The following OSER1 variants were observed in gnomAD, a reference collection of about 807,000 sequenced individuals.
The protein encoded by OSER1 is oxidative stress responsive serine rich 1.
A neutral mutation model predicts 26.3 loss-of-function variants in OSER1; 15 were observed. That is an observed-to-expected ratio of 0.57 (90% CI 0.38 to 0.88). The LOEUF is 0.88. Among genes scored for constraint, OSER1 ranks in the 40% least tolerant of loss-of-function variants. The pLI, the probability that OSER1 is intolerant of heterozygous loss-of-function variation, is 0.00. For missense variants in OSER1, 313 were observed against 353.9 expected, an observed-to-expected ratio of 0.88 and a Z score of 0.93; for synonymous variants, 127 against 128.2, an observed-to-expected ratio of 0.99 and a Z score of 0.07.
chr20:44,207,034 G>C, intron 1 of OSER1, 36 bp from the exon 2 acceptor site: 1 of 1,053,530 alleles, frequency 9.5e-7, no homozygotes, highest in East Asian at 2.5e-5. Flanking sequence ...AGTAAAAACA[G>C]GTGGGATCAA....
chr20:44,200,541 T>C (rs1263407310), intron 3 of OSER1, among the ~76,000 whole-genome samples: 2 of 152,206 alleles, frequency 1.3e-5, no homozygotes, highest in African/African-American at 2.4e-5. Flanking sequence ...TTTGTCAACC[T>C]CTGACCTAAA....
intron 1 of OSER1, among the ~76,000 whole-genome samples, chr20:44,208,624 T>C (rs899103289): frequency 6.6e-6 from 1 of 152,176 alleles, no homozygotes; most frequent in Non-Finnish European, 1.5e-5. Flanking sequence ...TCAATTCCTA[T>C]ATACCTGGGG....
intron 2 of OSER1, among the ~76,000 whole-genome samples, chr20:44,203,291 TG>T (rs2073002261): frequency 6.6e-6 from 1 of 152,180 alleles, no homozygotes; most frequent in Admixed American, 6.5e-5. Context: ...AAAGAATGAC[TG>T]GTAAGTGTAC....
In OSER1 at chr20:44,197,153, A is replaced by G; in HGVS notation, c.778T>C (p.Phe260Leu). 1.2e-6 allele frequency: 2 copies of G among 1,614,086 alleles called. No homozygotes were observed. The highest frequency in any genetic ancestry group is 1.7e-6 in the Non-Finnish European group (2 of 1,179,892). The stretch of plus-strand genomic sequence containing the variant: ...TCCTCAATGGTCACATCATCCACGA[A>G]GACTCGAGCTTGCTCAGAACAGGAT... ...PRSCSEQARVFVDDVTIEDLS... is the reference protein window; with the variant it reads ...PRSCSEQARVLVDDVTIEDLS... The change falls in exon 4 of 4, where the codon TTC (phenylalanine) becomes CTC (leucine). Residue 260 changes from phenylalanine to leucine, a missense_variant. Coordinates refer to ENST00000255174, the MANE Select transcript of OSER1 (RefSeq NM_016470.8).
chr20:44,200,929 A>G (rs2072975537), intron 3 of OSER1, among the ~76,000 whole-genome samples: 1 of 152,268 alleles, frequency 6.6e-6, no homozygotes, highest in Non-Finnish European at 1.5e-5. Flanking sequence ...TTAAGTGCTA[A>G]GAGAAAATAA....
chr20:44,199,782 C>A (rs143564157), intron 3 of OSER1, among the ~76,000 whole-genome samples: 1 of 152,294 alleles, frequency 6.6e-6, no homozygotes, highest in East Asian at 1.9e-4. Context: ...AAGACATGAA[C>A]AAAAACGTGC....
intron 1 of OSER1, among the ~76,000 whole-genome samples, chr20:44,208,685 TA>T (rs924762574): frequency 1.3e-5 from 2 of 152,202 alleles, no homozygotes; most frequent in Admixed American, 6.5e-5. Context: ...TCACATCATC[TA>T]AAAGAGTACT....
intron 2 of OSER1, among the ~76,000 whole-genome samples, chr20:44,203,289 A>T (rs1195362444): frequency 6.6e-6 from 1 of 151,874 alleles, no homozygotes; most frequent in Non-Finnish European, 1.5e-5. Context: ...CCAAAGAATG[A>T]CTGGTAAGTG....
intron 2 of OSER1, among the ~76,000 whole-genome samples, chr20:44,203,696 ACACACACACAC>A (rs2073008926): frequency 2.5e-5 from 3 of 118,352 alleles, no homozygotes; most frequent in South Asian, 6.3e-4. Context: ...GACTTTTTTC[ACACACACACAC>A]ACACACACAC....
At chr20:44,203,915 T>C (rs2073013255) in intron 2 of OSER1, among the ~76,000 whole-genome samples, 1 of 152,106 alleles carries the variant, frequency 6.6e-6, no homozygotes, top group South Asian at 2.1e-4. Context: ...TGGCAAAATG[T>C]TGGGAAATTA....
rs751250533 is a variant in OSER1, at chr20:44,197,369, CTGAT to C, written c.558_561del (p.Ser187PhefsTer4). 1 of 1,614,246 alleles carries C rather than the reference CTGAT, an allele frequency of 6.2e-7. No individual in the cohort carries two copies. The highest frequency in any genetic ancestry group is 8.5e-7 in the Non-Finnish European group (1 of 1,180,048). ...GGCTTGCCCTGGTTTAGCTTGGAAA[CTGAT>C]TGAAAGTCAGAGAGATCACTGGCTT... On this transcript the variant is annotated frameshift_variant, in exon 4 of 4. Coordinates refer to ENST00000255174, the MANE Select transcript of OSER1 (RefSeq NM_016470.8). LOFTEE classifies it high-confidence loss of function.
rs148364565 is a variant in OSER1 at position 44,201,787 on chromosome 20, C to T, written c.191+1174G>A. Among the ~76,000 whole-genome samples the T allele has an allele frequency of 1.6e-3, 247 of 152,054 alleles. 1 individual carries two copies. Among genetic ancestry groups the T allele is most frequent in the Non-Finnish European group, 3.1e-3 (210 of 67,998 alleles). ...ACTGAAAGAATAGAAACAAAGTGTG[C>T]CATTTCCAAACCACTAGAGGAAAAG... On this transcript the variant is annotated intron_variant, in intron 3 of 3. Transcript: ENST00000255174.
chr20:44,199,790 T>A (rs1337528824), intron 3 of OSER1, among the ~76,000 whole-genome samples: 1 of 152,228 alleles, frequency 6.6e-6, no homozygotes, highest in Non-Finnish European at 1.5e-5. Flanking sequence ...AACAAAAACG[T>A]GCTCTGACTG....
intron 2 of OSER1, among the ~76,000 whole-genome samples, chr20:44,203,662 C>T (rs1455365901): frequency 1.3e-5 from 2 of 150,418 alleles, no homozygotes; most frequent in Non-Finnish European, 2.9e-5. Context: ...CTACCAACAT[C>T]AAACATTGGT....
chr20:44,197,556 G>A lies in OSER1; in HGVS notation c.375C>T (p.Ser125=), dbSNP rs1569234930. ...PDGSSGLGIS[S]PKEFSAGESS... Reference sequence around the variant, plus strand: ...TTTCTCCTGCACTGAACTCTTTAGGGGATGAAATTCCCAGCCCACTGCTGC... The same window carrying A: ...TTTCTCCTGCACTGAACTCTTTAGGAGATGAAATTCCCAGCCCACTGCTGC... The change falls in exon 4 of 4, where the codon TCC becomes TCT. Residue 125 remains serine (S), a synonymous_variant. Transcript: ENST00000255174. 6.2e-7 allele frequency: 1 copy of A among 1,614,140 alleles called. No individual in the cohort carries two copies. The highest frequency in any genetic ancestry group is 2.2e-5 in the East Asian group (1 of 44,874).
intron 3 of OSER1, among the ~76,000 whole-genome samples, chr20:44,201,086 C>A (rs1347131127): frequency 6.6e-6 from 1 of 152,208 alleles, no homozygotes; most frequent in Non-Finnish European, 1.5e-5. Flanking sequence ...CAGCAGCAGA[C>A]TGAAAATACC....
intron 1 of OSER1, 62 bp from the exon 2 acceptor site, chr20:44,207,060 C>A: frequency 1.3e-6 from 1 of 750,092 alleles, no homozygotes. Context: ...TACCTGTTAC[C>A]ATTACTGTTA....
chr20:44,206,935 C>T lies in OSER1; in HGVS notation c.23G>A (p.Gly8Glu). The change falls in exon 2 of 4, where the codon GGA (glycine) becomes GAA (glutamate). Residue 8 changes from glycine to glutamate, a missense_variant. Gly to Glu is a moderately conservative substitution (Grantham distance 98, BLOSUM62 -2). Transcript: ENST00000255174. ...AGCAGTCTGTAGACTCTCCTCCTCT[C>T]CATCCTTGGCTTCGGATTTCATTGT... MKSEAKD[G>E]EEESLQTAFK... is the part of the protein sequence containing the mutation. 1 of 1,606,192 alleles carries T rather than the reference C, an allele frequency of 6.2e-7. No individual in the cohort carries two copies. The highest frequency in any genetic ancestry group is 1.1e-5 in the South Asian group (1 of 90,772).
intron 1 of OSER1, among the ~76,000 whole-genome samples, chr20:44,209,471 C>T (rs1257707539): frequency 1.3e-5 from 2 of 152,224 alleles, no homozygotes; most frequent in Admixed American, 6.5e-5. Context: ...ACAACTAACT[C>T]CGGACAACAG....
Sources: gnomAD v4.1 joint callset for allele counts (sites outside exome capture counted in the v4.1 genomes callset) on GRCh38, gnomAD v4.1.1 for gene constraint, MANE v1.5 for transcripts, NCBI Gene and HGNC (gene_info 2026-07-23, HGNC 2026-07-21) for gene names.